YWHAE: variants seen among roughly 807,000 people sequenced by gnomAD.
YWHAE encodes the protein 14-3-3 protein epsilon.
YWHAE carries 4 observed loss-of-function variants against 30.1 expected under a neutral mutation model. The ratio of observed to expected loss-of-function variants is 0.13; its 90% CI spans 0.07 to 0.30. YWHAE has a LOEUF of 0.30. YWHAE is among the 10% of genes least tolerant of loss of function. The pLI, the probability that YWHAE is intolerant of heterozygous loss-of-function variation, is 1.00. For missense variants in YWHAE, 121 were observed against 315.9 expected (o/e 0.38, Z 4.68); for synonymous variants, 118 against 111.8 (o/e 1.06, Z -0.35).
intron 1 of YWHAE, among the ~76,000 whole-genome samples, chr17:1,367,800 A>C (rs995810132): frequency 6.6e-6 from 1 of 152,216 alleles, no homozygotes; most frequent in African/African-American, 2.4e-5. Context: ...TGCAAAAAAC[A>C]CAAACTAAAA....
chr17:1,348,419 A>T (rs1020191651), intron 5 of YWHAE, among the ~76,000 whole-genome samples: 14 of 152,338 alleles, frequency 9.2e-5, no homozygotes, highest in African/African-American at 2.9e-4. Context: ...TTATGTTCCA[A>T]CATGCTGGGA....
At chr17:1,378,625 G>A (rs1259209845) in intron 1 of YWHAE, among the ~76,000 whole-genome samples, 1 of 152,210 alleles carries the variant, frequency 6.6e-6, no homozygotes, top group African/African-American at 2.4e-5. Flanking sequence ...CATTTCAGGA[G>A]CAATACTACT....
At chr17:1,360,486 G>T (rs2072847416) in intron 4 of YWHAE, among the ~76,000 whole-genome samples, 1 of 152,172 alleles carries the variant, frequency 6.6e-6, no homozygotes, top group African/African-American at 2.4e-5. Context: ...CACTGGCTGG[G>T]TGTGGTGACT....
At chr17:1,381,528 A>G (rs534843945) in intron 1 of YWHAE, among the ~76,000 whole-genome samples, 30 of 152,104 alleles carry the variant, frequency 2.0e-4, no homozygotes, top group Admixed American at 4.6e-4. Flanking sequence ...AATAAACTCA[A>G]AAAAATAAGT....
chr17:1,393,140 AAATAAATAAAT>A (rs2073413521), intron 1 of YWHAE, among the ~76,000 whole-genome samples: 1 of 14,322 alleles, frequency 7.0e-5, no homozygotes, highest in Non-Finnish European at 1.1e-4. Flanking sequence ...TCCAAAAAAT[AAATAAATAAAT>A]AAATAAATAA....
chr17:1,351,911 G>T (rs761868420), intron 5 of YWHAE, among the ~76,000 whole-genome samples: 2 of 151,084 alleles, frequency 1.3e-5, no homozygotes, highest in Middle Eastern at 3.4e-3. Flanking sequence ...CCTCAGCCTT[G>T]CAAGTAGCTG....
At chr17:1,385,136 C>A (rs2073280578) in intron 1 of YWHAE, among the ~76,000 whole-genome samples, 2 of 116,060 alleles carry the variant, frequency 1.7e-5, no homozygotes, top group Admixed American at 1.0e-4. Flanking sequence ...CAGGGAAAGA[C>A]TCTGTCTCAA....
chr17:1,375,936 AC>A (rs1567974158), intron 1 of YWHAE, among the ~76,000 whole-genome samples: 1 of 152,102 alleles, frequency 6.6e-6, no homozygotes, highest in East Asian at 1.9e-4. Flanking sequence ...CACAAATAAA[AC>A]CCCCCATGCT....
chr17:1,368,474 G>A (rs529212790), intron 1 of YWHAE, among the ~76,000 whole-genome samples: 1 of 151,820 alleles, frequency 6.6e-6, no homozygotes, highest in Admixed American at 6.6e-5. Flanking sequence ...TGAGGCAGGG[G>A]AATCGCTTGA....
At chr17:1,384,643 G>C (rs566602892) in intron 1 of YWHAE, among the ~76,000 whole-genome samples, 2 of 152,060 alleles carry the variant, frequency 1.3e-5, no homozygotes, top group Admixed American at 1.3e-4. Flanking sequence ...TCACCAGGCT[G>C]GTCTTGAACT....
At chr17:1,372,833 G>A (rs59051255) in intron 1 of YWHAE, among the ~76,000 whole-genome samples, 5,693 of 151,742 alleles carry the variant, frequency 0.038, 353 homozygotes, top group African/African-American at 0.13. Context: ...TGTGCCTGTC[G>A]TCCCAGCTTC....
intron 4 of YWHAE, among the ~76,000 whole-genome samples, chr17:1,360,787 A>T (rs555260440): frequency 7.9e-5 from 12 of 152,036 alleles, no homozygotes; most frequent in Non-Finnish European, 1.3e-4. Flanking sequence ...AAGACTGAAA[A>T]CTAATATAAC....
At position 1,361,310 on chromosome 17, in the gene YWHAE, C is replaced by T; in HGVS notation, c.372-12G>A. 6.9e-7 allele frequency: 1 copy of T among 1,444,732 alleles called. No individual in the cohort carries two copies. Among genetic ancestry groups the T allele is most frequent in the East Asian group, 2.5e-5 (1 of 39,590 alleles). The allele number at this position is 1,444,732 out of a possible 1,614,324, so 89.5% of individuals were successfully genotyped here. ...GGTAGTCCCCTTTCCTAAAACAAAA[C>T]CAAAATTAAAAAAAAAAAAAAAATT... is the stretch of plus-strand genomic sequence containing the variant. On this transcript the variant is annotated splice_polypyrimidine_tract_variant and intron_variant, in intron 3 of 5. Coordinates refer to ENST00000264335, the MANE Select transcript of YWHAE (RefSeq NM_006761.5).
chr17:1,374,128 C>T (rs1270110314), intron 1 of YWHAE, among the ~76,000 whole-genome samples: 1 of 152,058 alleles, frequency 6.6e-6, no homozygotes, highest in African/African-American at 2.4e-5. Flanking sequence ...CTGGCCAAAA[C>T]ATGGCAAAAC....
intron 4 of YWHAE, among the ~76,000 whole-genome samples, chr17:1,360,649 C>T (rs1034425725): frequency 6.6e-6 from 1 of 152,022 alleles, no homozygotes; most frequent in Non-Finnish European, 1.5e-5. Flanking sequence ...CCCTGTAACT[C>T]CAGTTACTCA....
At chr17:1,380,766 T>C (rs1281287268) in intron 1 of YWHAE, among the ~76,000 whole-genome samples, 1 of 152,184 alleles carries the variant, frequency 6.6e-6, no homozygotes, top group Non-Finnish European at 1.5e-5. Context: ...GACTTTCCAT[T>C]CTTACATCTC....
chr17:1,363,444 T>G (rs1215282500), intron 2 of YWHAE, among the ~76,000 whole-genome samples: 1 of 152,054 alleles, frequency 6.6e-6, no homozygotes, highest in East Asian at 1.9e-4. Flanking sequence ...TTTTGTATTT[T>G]TAGTGGAGAC....
At chr17:1,361,735 A>C in intron 3 of YWHAE, 167 bp downstream of exon 3, 3 of 538,970 alleles carry the variant, frequency 5.6e-6, no homozygotes. Context: ...GCAAAAGCTA[A>C]TACATTTTCA....
intron 1 of YWHAE, among the ~76,000 whole-genome samples, chr17:1,379,352 G>A (rs1420017713): frequency 2.0e-5 from 3 of 152,126 alleles, no homozygotes; most frequent in Non-Finnish European, 4.4e-5. Flanking sequence ...GGGCGTGGTG[G>A]CACACACCTA....
Sources: gnomAD v4.1 joint callset for allele counts (sites outside exome capture counted in the v4.1 genomes callset) on GRCh38, gnomAD v4.1.1 for gene constraint, MANE v1.5 for transcripts, NCBI Gene and HGNC (gene_info 2026-07-23, HGNC 2026-07-21) for gene names.